The following RASSF8 variants were observed in gnomAD, a reference collection of about 807,000 sequenced individuals.
RASSF8 encodes the protein Ras association domain family member 8, also known as ras association domain-containing protein 8.
A neutral mutation model predicts 48.5 loss-of-function variants in RASSF8; 22 were observed. The observed-to-expected ratio is 0.45, with a 90% CI of 0.32 to 0.65. RASSF8 has a LOEUF of 0.65. RASSF8 is among the 30% of genes least tolerant of loss of function. The pLI, the probability that RASSF8 is intolerant of heterozygous loss-of-function variation, is 0.03. For synonymous variants in RASSF8, 127 were observed against 171.5 expected, an observed-to-expected ratio of 0.74 and a Z score of 2.03; for missense variants, 418 against 489.2, an observed-to-expected ratio of 0.85 and a Z score of 1.37.
chr12:25,977,885 TGG>T (rs1941646034), intron 1 of RASSF8, among the ~76,000 whole-genome samples: 1 of 152,160 alleles, frequency 6.6e-6, no homozygotes, highest in Non-Finnish European at 1.5e-5. Flanking sequence ...GAGAGACACT[TGG>T]AAGGTCATTG....
At chr12:25,963,230 A>G (rs115562633) in intron 1 of RASSF8, among the ~76,000 whole-genome samples, 1,807 of 150,624 alleles carry the variant, frequency 0.012, 37 homozygotes, top group African/African-American at 0.042. Context: ...CACTTAAGAG[A>G]GAGGAGGAGT....
At chr12:26,060,400 T>C in intron 3 of RASSF8, among the ~76,000 whole-genome samples, 1 of 152,214 alleles carries the variant, frequency 6.6e-6, no homozygotes, top group East Asian at 1.9e-4. Flanking sequence ...GGGTAAGAGT[T>C]ATTTTAGTAG....
intron 2 of RASSF8, among the ~76,000 whole-genome samples, chr12:26,040,248 G>A (rs887599650): frequency 1.3e-5 from 2 of 152,104 alleles, no homozygotes. Flanking sequence ...ATAGCTAAAC[G>A]CAAATAATTG....
intron 2 of RASSF8, among the ~76,000 whole-genome samples, chr12:25,999,741 A>G (rs918017276): frequency 2.0e-5 from 3 of 152,162 alleles, no homozygotes; most frequent in African/African-American, 7.2e-5. Context: ...AATCAACTAA[A>G]ATGTAGTTTA....
intron 2 of RASSF8, among the ~76,000 whole-genome samples, chr12:25,995,352 A>T (rs542475970): frequency 5.3e-5 from 8 of 152,258 alleles, no homozygotes; most frequent in Admixed American, 5.2e-4. Context: ...CCTAGGTCCA[A>T]ATTTGGGTCG....
At chr12:26,004,880 G>C (rs1457391709) in intron 2 of RASSF8, among the ~76,000 whole-genome samples, 2 of 152,084 alleles carry the variant, frequency 1.3e-5, no homozygotes. Context: ...GGTATAAAAT[G>C]AGGTGGTTCA....
intron 1 of RASSF8, among the ~76,000 whole-genome samples, chr12:25,967,585 G>T (rs1275928875): frequency 6.6e-6 from 1 of 152,114 alleles, no homozygotes; most frequent in Non-Finnish European, 1.5e-5. Flanking sequence ...GAAGTTGTGA[G>T]CCTTATCGAG....
chr12:25,987,823 C>T (rs563792210), intron 1 of RASSF8, among the ~76,000 whole-genome samples: 1 of 152,008 alleles, frequency 6.6e-6, no homozygotes, highest in Admixed American at 6.5e-5. Flanking sequence ...GTCATTGTTG[C>T]TTGAAATTAA....
chr12:26,056,067 C>A (rs1255742370), intron 3 of RASSF8, among the ~76,000 whole-genome samples: 3 of 152,080 alleles, frequency 2.0e-5, no homozygotes, highest in Non-Finnish European at 4.4e-5. Context: ...CACCTGTAAT[C>A]CCAGCTACTA....
intron 2 of RASSF8, among the ~76,000 whole-genome samples, chr12:26,042,440 T>G (rs1279000472): frequency 3.3e-5 from 5 of 152,242 alleles, no homozygotes; most frequent in Non-Finnish European, 5.9e-5. Flanking sequence ...CGTTTTGGTT[T>G]TGTTAGATTC....
In RASSF8 at chr12:26,065,304, A is replaced by G. The variant is rs201342577; in HGVS notation, c.910A>G (p.Ile304Val). 4.6e-5 allele frequency: 75 copies of G among 1,614,074 alleles called. No individual in the cohort carries two copies. Among genetic ancestry groups the G allele is most frequent in the Admixed American group, 2.0e-4 (12 of 60,004 alleles). Residue 304 changes from isoleucine (I) to valine (V), a missense_variant, in exon 4 of 6, where the codon ATT becomes GTT. Transcript: ENST00000689635. ...KIGKVKGEID[I>V]QGQQSLRLEN... ...CGGTAAGGTCAAAGGGGAGATTGACATTCAAGGCCAGCAGAGTCTGAGGTT... is the reference window on the plus strand; with the variant it reads ...CGGTAAGGTCAAAGGGGAGATTGACGTTCAAGGCCAGCAGAGTCTGAGGTT...
chr12:25,991,372 T>G (rs928526050), intron 1 of RASSF8, among the ~76,000 whole-genome samples: 9 of 152,214 alleles, frequency 5.9e-5, no homozygotes, highest in Admixed American at 5.9e-4. Flanking sequence ...AATTACTTAT[T>G]ACTGCATAAC....
At chr12:26,077,872 AGAGTGCATATGCAG>A (rs1389308949) in intron 5 of RASSF8, among the ~76,000 whole-genome samples, 4 of 152,204 alleles carry the variant, frequency 2.6e-5, no homozygotes, top group African/African-American at 9.7e-5. Context: ...ATTGAGTTTC[AGAGTGCATATGCAG>A]GATCATACTT....
At chr12:25,997,878 T>G (rs376801921) in intron 2 of RASSF8, among the ~76,000 whole-genome samples, 8 of 152,336 alleles carry the variant, frequency 5.3e-5, no homozygotes, top group African/African-American at 1.9e-4. Context: ...ATTTGCATGT[T>G]TCAGTGCTTT....
intron 2 of RASSF8, among the ~76,000 whole-genome samples, chr12:26,046,285 A>C (rs537655944): frequency 5.5e-4 from 84 of 152,304 alleles, no homozygotes; most frequent in Non-Finnish European, 1.0e-3. Flanking sequence ...AGTGATTACA[A>C]ATGTCCTTGC....
chr12:25,985,453 G>C (rs1276697668), intron 1 of RASSF8, among the ~76,000 whole-genome samples: 1 of 152,162 alleles, frequency 6.6e-6, no homozygotes, highest in African/African-American at 2.4e-5. Flanking sequence ...AGAGACTATC[G>C]TATGGTTTTC....
At chr12:26,059,068 C>T (rs1382492394) in intron 3 of RASSF8, among the ~76,000 whole-genome samples, 1 of 152,214 alleles carries the variant, frequency 6.6e-6, no homozygotes, top group African/African-American at 2.4e-5. Flanking sequence ...TAAACTGCTT[C>T]TCAAATCTAA....
intron 2 of RASSF8, among the ~76,000 whole-genome samples, chr12:26,049,079 A>G (rs1271186436): frequency 6.6e-6 from 1 of 152,088 alleles, no homozygotes; most frequent in Non-Finnish European, 1.5e-5. Flanking sequence ...TTTTTAAGGT[A>G]TGGTGTTCTG....
chr12:26,075,384 A>G (rs907345160), downstream of RASSF8, among the ~76,000 whole-genome samples: 3 of 152,218 alleles, frequency 2.0e-5, no homozygotes, highest in Admixed American at 6.5e-5. Context: ...GGGCCTTCAA[A>G]TGGGCTTCCT....
Sources: gnomAD v4.1 joint callset for allele counts (sites outside exome capture counted in the v4.1 genomes callset) on GRCh38, gnomAD v4.1.1 for gene constraint, MANE v1.5 for transcripts, NCBI Gene and HGNC (gene_info 2026-07-23, HGNC 2026-07-21) for gene names.